TCF4: variants seen among roughly 807,000 people sequenced by gnomAD.
TCF4 encodes the protein transcription factor 4.
A neutral mutation model predicts 82.1 loss-of-function variants in TCF4; 3 were observed. That is an observed-to-expected ratio of 0.04 (90% CI 0.02 to 0.09). The LOEUF is 0.09. Among genes scored for constraint, TCF4 ranks in the 10% least tolerant of loss-of-function variants. TCF4 has a pLI of 1.00. For synonymous variants in TCF4, 276 were observed against 309.6 expected (o/e 0.89, Z 1.14); for missense variants, 518 against 852.7 (o/e 0.61, Z 4.89).
At chr18:55,360,731 C>CTT (rs35704472) in intron 6 of TCF4, among the ~76,000 whole-genome samples, 11,635 of 74,156 alleles carry the variant, frequency 0.16, 2,109 homozygotes, top group African/African-American at 0.45. Context: ...GCCCCCCACC[C>CTT]TTTTTTTTTT....
At chr18:55,426,118 TACAC>T (rs58725679) in intron 5 of TCF4, among the ~76,000 whole-genome samples, 7 of 145,144 alleles carry the variant, frequency 4.8e-5, no homozygotes, top group African/African-American at 7.8e-5. Context: ...TATATATATA[TACAC>T]ACACACACAC....
chr18:55,458,682 G>T (rs909847800), intron 5 of TCF4, among the ~76,000 whole-genome samples: 1 of 152,098 alleles, frequency 6.6e-6, no homozygotes, highest in African/African-American at 2.4e-5. Context: ...CTTCAGATAC[G>T]CAAGCCAATC....
intron 3 of TCF4, among the ~76,000 whole-genome samples, chr18:55,480,963 G>A (rs1420252377): frequency 1.3e-5 from 2 of 152,104 alleles, no homozygotes; most frequent in African/African-American, 4.8e-5. Context: ...AAATTGCTGG[G>A]CGTGGTGGCA....
intron 5 of TCF4, among the ~76,000 whole-genome samples, chr18:55,417,499 G>T (rs2094564717): frequency 6.6e-6 from 1 of 152,128 alleles, no homozygotes; most frequent in Non-Finnish European, 1.5e-5. Flanking sequence ...TGTACAGTCA[G>T]AACTGACATA....
chr18:55,448,381 C>G (rs1040380206), intron 5 of TCF4, among the ~76,000 whole-genome samples: 1 of 152,104 alleles, frequency 6.6e-6, no homozygotes, highest in Non-Finnish European at 1.5e-5. Flanking sequence ...ATTAATTATC[C>G]GCCTAAATGT....
chr18:55,540,951 T>C (rs2097160115), intron 3 of TCF4, among the ~76,000 whole-genome samples: 1 of 152,050 alleles, frequency 6.6e-6, no homozygotes, highest in African/African-American at 2.4e-5. Flanking sequence ...AGAATATATT[T>C]TAAGAATAAG....
chr18:55,631,289 T>A, intron 2 of TCF4: 1 of 1,305,246 alleles, frequency 7.7e-7, no homozygotes, highest in Non-Finnish European at 1.1e-6. Flanking sequence ...CCTCAGGTGA[T>A]CCACCTACCT....
intron 3 of TCF4, among the ~76,000 whole-genome samples, chr18:55,567,960 T>G (rs1298724612): frequency 6.6e-6 from 1 of 152,076 alleles, no homozygotes; most frequent in African/African-American, 2.4e-5. Context: ...TTGTAAAATT[T>G]TGAAGGCACC....
Position 55,326,773 on chromosome 18 carries a change from T to C in TCF4, c.549+23586A>G, listed in dbSNP as rs185544831. 1.8e-3 allele frequency among the ~76,000 whole-genome samples: 275 copies of C among 152,280 alleles called. 2 individuals are homozygous for C. Among genetic ancestry groups the C allele is most frequent in the African/African-American group, 6.5e-3 (270 of 41,566 alleles). On this transcript the variant is annotated intron_variant, in intron 8 of 19. Transcript: ENST00000354452. ...TTTTTTGCTCTCCAGCAGGAGTCAC[T>C]CCTAACAAAAAATTTAATTCATAAG... is the stretch of plus-strand genomic sequence containing the variant.
rs887999561 is a variant in TCF4 at position 55,519,187 on chromosome 18, T to G, written c.146-55050A>C. Reference sequence around the variant, plus strand: ...CTGGCTCATGCCTTAATCCCAAAACTTTGGGAGGCCCAAGGCATGCAGATC... The same window carrying G: ...CTGGCTCATGCCTTAATCCCAAAACGTTGGGAGGCCCAAGGCATGCAGATC... On this transcript the variant is annotated intron_variant, in intron 3 of 19. Transcript: ENST00000354452. Among the ~76,000 whole-genome samples the G allele has an allele frequency of 2.6e-5, 4 of 152,114 alleles. No individual in the cohort carries two copies. In the East Asian group the frequency reaches 7.7e-4, roughly 29 times the overall value.
chr18:55,410,793 TAAAGTC>T (rs1197497915), intron 5 of TCF4, among the ~76,000 whole-genome samples: 2 of 152,116 alleles, frequency 1.3e-5, no homozygotes, highest in African/African-American at 2.4e-5. Flanking sequence ...ACTCAATTCA[TAAAGTC>T]AAAGAGTTCT....
intron 3 of TCF4, among the ~76,000 whole-genome samples, chr18:55,512,552 G>A (rs768712675): frequency 6.6e-6 from 1 of 152,042 alleles, no homozygotes; most frequent in Non-Finnish European, 1.5e-5. Context: ...GTGTGTATGT[G>A]CATATATAGC....
intron 1 of TCF4, among the ~76,000 whole-genome samples, chr18:55,632,505 C>T (rs563238793): frequency 3.0e-4 from 45 of 152,210 alleles, no homozygotes; most frequent in African/African-American, 9.6e-4. Flanking sequence ...AAAGATCACA[C>T]CAAGTCTTAG....
chr18:55,279,896 T>C (rs2062204977), intron 8 of TCF4, among the ~76,000 whole-genome samples: 1 of 152,216 alleles, frequency 6.6e-6, no homozygotes, highest in South Asian at 2.1e-4. Context: ...TTCCAGTTGA[T>C]GTAAACCATG....
At chr18:55,460,126 T>C (rs2095845029) in intron 5 of TCF4, among the ~76,000 whole-genome samples, 1 of 152,166 alleles carries the variant, frequency 6.6e-6, no homozygotes, top group Admixed American at 6.6e-5. Flanking sequence ...TGTGTGTGTT[T>C]CCTTGGAGTG....
At chr18:55,463,971 TGTGTGTGAGAGAGAGA>T (rs1433069467) in intron 4 of TCF4, 89 bp downstream of exon 4, 8 of 778,296 alleles carry the variant, frequency 1.0e-5, no homozygotes, top group Middle Eastern at 2.8e-4. Context: ...TGTGTGTGTG[TGTGTGTGAGAGAGAGA>T]GAGAGAGAGA....
rs1212470811 is a variant in TCF4 at position 55,236,516 on chromosome 18, C to T, written c.1351-1833G>A. Among the ~76,000 whole-genome samples the T allele has an allele frequency of 2.0e-5, 3 of 152,020 alleles. No individual in the cohort carries two copies. In the East Asian group the frequency reaches 5.8e-4, roughly 29 times the overall value. ...GCCACACCACTCCTTTCCTCTGTGA[C>T]TGAAGTCTGCTCTCTTATAGGCAGA... On this transcript the variant is annotated intron_variant, in intron 15 of 19. Coordinates refer to ENST00000354452, the MANE Select transcript of TCF4 (RefSeq NM_001083962.2).
intron 17 of TCF4, chr18:55,229,760 C>T (rs2047348508): frequency 6.6e-6 from 1 of 152,602 alleles, no homozygotes; most frequent in Non-Finnish European, 1.5e-5. Flanking sequence ...AAAAACATGA[C>T]TTCCATGGTC....
chr18:55,322,505 C>A, intron 8 of TCF4: 3 of 981,368 alleles, frequency 3.1e-6, no homozygotes, highest in Non-Finnish European at 3.6e-6. Flanking sequence ...TTTCTGACTG[C>A]TTGGTCAACA....
Sources: allele counts gnomAD v4.1 joint callset (sites outside exome capture counted in the v4.1 genomes callset), GRCh38; gene constraint gnomAD v4.1.1; transcripts MANE v1.5; gene names NCBI Gene and HGNC (gene_info 2026-07-23, HGNC 2026-07-21).